UNC5B: variants seen among roughly 807,000 people sequenced by gnomAD.
The protein encoded by UNC5B is netrin receptor UNC5B.
UNC5B carries 56 observed loss-of-function variants against 103.7 expected under a neutral mutation model. That is an observed-to-expected ratio of 0.54 (90% confidence interval 0.44 to 0.67). The LOEUF (loss-of-function observed/expected upper bound fraction) is 0.67. Ranked by LOEUF, UNC5B falls within the 30% of genes least tolerant of loss-of-function variation. UNC5B has a pLI of 0.00. For missense variants in UNC5B, 1,194 were observed against 1,284.5 expected (o/e 0.93, Z 1.08); for synonymous variants, 577 against 542.0 (o/e 1.06, Z -0.90).
At chr10:71,237,970 G>A (rs1338101296) in intron 1 of UNC5B, among the ~76,000 whole-genome samples, 3 of 152,178 alleles carry the variant, frequency 2.0e-5, no homozygotes, top group African/African-American at 7.2e-5. Flanking sequence ...GGATCAAGGG[G>A]CTTCCTGTGT....
intron 1 of UNC5B, among the ~76,000 whole-genome samples, chr10:71,231,186 C>T (rs985040849): frequency 7.9e-5 from 12 of 152,190 alleles, no homozygotes; most frequent in African/African-American, 2.9e-4. Flanking sequence ...TCCTGAGGGG[C>T]AGAAGGTGCC....
At chr10:71,256,414 A>C (rs1377434432) in intron 1 of UNC5B, among the ~76,000 whole-genome samples, 2 of 152,220 alleles carry the variant, frequency 1.3e-5, no homozygotes, top group African/African-American at 2.4e-5. Context: ...GCCTGGGCCC[A>C]GTGTACTTAT....
chr10:71,291,317 C>T lies in UNC5B; in HGVS notation c.1295-115C>T, dbSNP rs1288535754. 2.0e-6 allele frequency: 3 copies of T among 1,477,816 alleles called. No individual in the cohort carries two copies. In the Admixed American group the frequency reaches 6.7e-5, roughly 33 times the overall value. 91.5% of individuals were successfully genotyped at this position (1,477,816 alleles called of 1,614,324 possible). On this transcript the variant is annotated intron_variant, in intron 9 of 16. Transcript: ENST00000335350. ...GCTGCGGGATTCCCAAAGCTTCCTGCAGCTGGCAGCAATTGGGCCTTTCAC... is the reference window on the plus strand; with the variant it reads ...GCTGCGGGATTCCCAAAGCTTCCTGTAGCTGGCAGCAATTGGGCCTTTCAC...
At chr10:71,267,008 G>GA (rs1384311720) in intron 1 of UNC5B, among the ~76,000 whole-genome samples, 2 of 150,294 alleles carry the variant, frequency 1.3e-5, no homozygotes, top group African/African-American at 2.4e-5. Context: ...TTATCAGATC[G>GA]AAAAAAAAAT....
chr10:71,248,379 C>T (rs1025862218), intron 1 of UNC5B, among the ~76,000 whole-genome samples: 1 of 152,066 alleles, frequency 6.6e-6, no homozygotes, highest in Admixed American at 6.6e-5. Context: ...CCCGCACCTC[C>T]AGAGCAGAAT....
rs1477971881 is a variant in UNC5B at position 71,280,028 on chromosome 10, G to C, written c.287G>C (p.Gly96Ala). The change falls in exon 2 of 17, where the codon GGC (glycine) becomes GCC (alanine). Residue 96 changes from glycine to alanine, a missense_variant. Physicochemically the swap from Gly to Ala is moderately conservative, Grantham distance 60. Transcript: ENST00000335350. ...CAGAACGACCACGTCACACAGGAAG[G>C]CCTGGATGAGGCCACCGGTGAGCCC... ...VSQNDHVTQE[G>A]LDEATGLRVR... The C allele has an allele frequency of 1.2e-6, 2 of 1,613,660 alleles. No homozygotes were observed. The highest frequency in any genetic ancestry group is 3.3e-5 in the Admixed American group (2 of 60,008).
At chr10:71,274,694 T>C (rs913162371) in intron 1 of UNC5B, among the ~76,000 whole-genome samples, 3 of 151,810 alleles carry the variant, frequency 2.0e-5, no homozygotes, top group African/African-American at 4.8e-5. Flanking sequence ...CCCTCGGAGG[T>C]CCCATCCAGA....
In UNC5B at chr10:71,291,737, C is replaced by T. The variant is rs755115425; in HGVS notation, c.1600C>T (p.Leu534Phe). ...LRSASLGSQQ[L>F]LGLPRDPGSS... is the part of the protein sequence containing the mutation. ...CAGCGCCAGCCTCGGTTCCCAGCAGCTCTTGGGCCTGCCCCGAGACCCAGG... is the reference window on the plus strand; with the variant it reads ...CAGCGCCAGCCTCGGTTCCCAGCAGTTCTTGGGCCTGCCCCGAGACCCAGG... The change falls in exon 10 of 17, where the codon CTC (leucine) becomes TTC (phenylalanine). Residue 534 changes from leucine (L) to phenylalanine (F), a missense_variant. Leu to Phe is a conservative substitution (Grantham distance 22). Transcript: ENST00000335350. 13 of 1,611,596 alleles carry T rather than the reference C, an allele frequency of 8.1e-6. No individual in the cohort carries two copies. In the South Asian group the frequency reaches 1.4e-4, roughly 18 times the overall value.
intron 1 of UNC5B, among the ~76,000 whole-genome samples, chr10:71,279,437 G>A (rs1028767924): frequency 5.3e-5 from 8 of 152,192 alleles, no homozygotes; most frequent in African/African-American, 1.7e-4. Flanking sequence ...GTCACCATGA[G>A]GAACTGGATA....
chr10:71,294,597 G>A (rs1047259338), intron 13 of UNC5B, among the ~76,000 whole-genome samples: 35 of 152,142 alleles, frequency 2.3e-4, no homozygotes, highest in African/African-American at 8.4e-4. Context: ...GGCGGGGCTG[G>A]ATGCTGCGTG....
At chr10:71,294,698 G>GAA (rs946246889) in intron 13 of UNC5B, among the ~76,000 whole-genome samples, 2 of 152,078 alleles carry the variant, frequency 1.3e-5, no homozygotes, top group African/African-American at 4.8e-5. Context: ...AGCATATGCA[G>GAA]AAGGATGGAG....
intron 1 of UNC5B, among the ~76,000 whole-genome samples, chr10:71,276,143 T>G (rs115178100): frequency 8.2e-4 from 124 of 151,080 alleles, no homozygotes; most frequent in African/African-American, 2.9e-3. Context: ...ACCTAATACA[T>G]TCCTGTTAGG....
chr10:71,255,601 G>A (rs1195437570), intron 1 of UNC5B, among the ~76,000 whole-genome samples: 6 of 152,170 alleles, frequency 3.9e-5, no homozygotes, highest in African/African-American at 7.2e-5. Flanking sequence ...CGTAATTAGC[G>A]CCATCCATCC....
rs1459798947 is a variant in UNC5B, at chr10:71,288,471, C to CA, written c.902-96dup. 42 of 1,495,688 alleles carry CA rather than the reference C, an allele frequency of 2.8e-5. No individual in the cohort carries two copies. The Admixed American group carries it at 8.8e-4, about 31-fold the overall frequency. 92.7% of individuals were successfully genotyped at this position (1,495,688 alleles called of 1,614,324 possible). A position where few individuals can be genotyped will look rare whatever the true frequency, so the allele number is the denominator to read the frequency against. On this transcript the variant is annotated intron_variant, in intron 6 of 16. Transcript: ENST00000335350. ...CTCATTTCCTTCCATGGTGTGTATG[C>CA]ATGCATGTGTGTTGGCACATTGCTC...
chr10:71,296,853 GGT>G, intron 15 of UNC5B, 111 bp downstream of exon 15: 1 of 517,288 alleles, frequency 1.9e-6, no homozygotes, highest in African/African-American at 2.3e-5. Context: ...GTGAGGGAAG[GGT>G]GGGGCAGATA....
At chr10:71,217,026 G>A (rs1843344421) in intron 1 of UNC5B, among the ~76,000 whole-genome samples, 1 of 152,244 alleles carries the variant, frequency 6.6e-6, no homozygotes, top group Non-Finnish European at 1.5e-5. Context: ...TGGGACTTGG[G>A]GGTGGGAGCC....
Position 71,290,987 on chromosome 10 carries a change from T to G in UNC5B, c.1172T>G (p.Leu391Arg), listed in dbSNP as rs1287207457. Residue 391 changes from leucine to arginine, a missense_variant, in exon 9 of 17, where the codon CTC (leucine) becomes CGC (arginine). By Grantham distance (102) the Leu-to-Arg change is moderately radical. Transcript: ENST00000335350. ...VVAIFVVVAI[L>R]MAVGVVVYRR... ...GCCATCTTCGTGGTCGTGGCAATCC[T>G]CATGGCGGTGGGGGTGGTGGTGTAC... The G allele has an allele frequency of 1.2e-6, 2 of 1,614,082 alleles. No homozygotes were observed. Among genetic ancestry groups the G allele is most frequent in the Admixed American group, 3.3e-5 (2 of 60,016 alleles).
Position 71,213,324 on chromosome 10 carries a change from A to G in UNC5B, c.79+260A>G, listed in dbSNP as rs777590364. 3.3e-4 allele frequency among the ~76,000 whole-genome samples: 50 copies of G among 152,120 alleles called. No homozygotes were observed. Among genetic ancestry groups the G allele is most frequent in the Non-Finnish European group, 5.3e-4 (36 of 68,004 alleles). ...GAAAGGGATCCCTTCTTCTCCCTGG[A>G]AGGGGTGTAGGAGTCAGGGTCTGAG... On this transcript the variant is annotated intron_variant, in intron 1 of 16. Transcript: ENST00000335350. The surrounding 1 kb of genome is among the most constrained non-coding windows in gnomAD (Gnocchi z 4.1).
At chr10:71,268,296 A>G in intron 1 of UNC5B, among the ~76,000 whole-genome samples, 1 of 152,120 alleles carries the variant, frequency 6.6e-6, no homozygotes. Context: ...CATTTCACAG[A>G]TTGGCAAAGG....
Sources: gnomAD v4.1 joint callset for allele counts (sites outside exome capture counted in the v4.1 genomes callset) on GRCh38, gnomAD v4.1.1 for gene constraint, Gnocchi (gnomAD v3.1) non-coding constraint, MANE v1.5 for transcripts, NCBI Gene and HGNC (gene_info 2026-07-23, HGNC 2026-07-21) for gene names.